ARFGEF3: variants seen among roughly 807,000 people sequenced by gnomAD.
ARFGEF3 encodes the protein brefeldin A-inhibited guanine nucleotide-exchange protein 3.
Under a neutral mutation model 221.7 loss-of-function variants are expected in ARFGEF3, and 96 were observed. The ratio of observed to expected loss-of-function variants is 0.43; its 90% confidence interval spans 0.37 to 0.51. ARFGEF3 has a LOEUF of 0.51. ARFGEF3 is among the 20% of genes least tolerant of loss of function. The probability of loss-of-function intolerance (pLI) is 0.00; values close to 1 mark genes in which losing one functional copy is unlikely to be tolerated. For missense variants in ARFGEF3, 2,410 were observed against 2,789.9 expected (o/e 0.86, Z 3.07); for synonymous variants, 1,145 against 1,126.8 (o/e 1.02, Z -0.32).
intron 25 of ARFGEF3, among the ~76,000 whole-genome samples, chr6:138,313,288 G>T (rs1308972341): frequency 1.3e-5 from 2 of 152,182 alleles, no homozygotes; most frequent in East Asian, 1.9e-4. Context: ...CACTCTGCTG[G>T]CTCTGCTTCT....
chr6:138,246,566 A>G (rs545656098), intron 8 of ARFGEF3, among the ~76,000 whole-genome samples: 169 of 152,232 alleles, frequency 1.1e-3, no homozygotes, highest in Admixed American at 2.1e-3. Flanking sequence ...TTGTTGCCAA[A>G]TGGTTTCTTC....
intron 4 of ARFGEF3, among the ~76,000 whole-genome samples, chr6:138,214,862 C>T (rs974644693): frequency 2.6e-5 from 4 of 152,118 alleles, no homozygotes; most frequent in Non-Finnish European, 4.4e-5. Flanking sequence ...AACTATTCTA[C>T]ATGGTTTTAC....
At chr6:138,262,121 T>C (rs1308767471) in intron 11 of ARFGEF3, among the ~76,000 whole-genome samples, 1 of 151,674 alleles carries the variant, frequency 6.6e-6, no homozygotes, top group Admixed American at 6.6e-5. Flanking sequence ...TAAATACTCA[T>C]CAGGAGCTTC....
intron 4 of ARFGEF3, among the ~76,000 whole-genome samples, chr6:138,225,678 G>A (rs1159049882): frequency 6.6e-6 from 1 of 152,194 alleles, no homozygotes; most frequent in Non-Finnish European, 1.5e-5. Context: ...AGGACAGAAG[G>A]AAGAAAGTGG....
intron 8 of ARFGEF3, among the ~76,000 whole-genome samples, chr6:138,246,147 C>G (rs1258852161): frequency 6.6e-6 from 1 of 152,126 alleles, no homozygotes; most frequent in Non-Finnish European, 1.5e-5. Context: ...TAGGTGATGC[C>G]TGCTGCTCCA....
At chr6:138,203,700 G>A (rs1777577100) in intron 2 of ARFGEF3, among the ~76,000 whole-genome samples, 1 of 152,104 alleles carries the variant, frequency 6.6e-6, no homozygotes, top group Admixed American at 6.5e-5. Context: ...GGAGTGCAGT[G>A]GCACGATCTT....
At chr6:138,169,759 T>A (rs183999051) in intron 1 of ARFGEF3, among the ~76,000 whole-genome samples, 1 of 152,382 alleles carries the variant, frequency 6.6e-6, no homozygotes, top group East Asian at 1.9e-4. Context: ...ATTGTCTTTC[T>A]GAAATCCACT....
At chr6:138,299,322 A>G (rs904913521) in intron 22 of ARFGEF3, among the ~76,000 whole-genome samples, 1 of 151,168 alleles carries the variant, frequency 6.6e-6, no homozygotes, top group African/African-American at 2.4e-5. Context: ...AAGTTTAGCA[A>G]TTTGACTAAG....
chr6:138,263,267 AT>A lies in ARFGEF3; in HGVS notation c.1788del (p.Phe596LeufsTer42). 6.2e-7 allele frequency: 1 copy of A among 1,613,978 alleles called. No homozygotes were observed. Among genetic ancestry groups the A allele is most frequent in the Non-Finnish European group, 8.5e-7 (1 of 1,179,888 alleles). ...TATGGATCTAGGTATAGTGAGAGCA[AT>A]TTTAGCGTTGATGACCAAGACCTTT... Reference protein sequence around the residue: ...RSYGSRYSESNFSVDDQDLSR... With the variant: ...RSYGSRYSESXFSVDDQDLSR... On this transcript the variant is annotated frameshift_variant, in exon 12 of 34. Transcript: ENST00000251691. LOFTEE classifies it high-confidence loss of function.
intron 2 of ARFGEF3, among the ~76,000 whole-genome samples, chr6:138,180,366 A>T (rs1777054874): frequency 6.6e-6 from 1 of 152,238 alleles, no homozygotes; most frequent in Non-Finnish European, 1.5e-5. Flanking sequence ...GCTTGTGCTA[A>T]TGAATGGAGG....
rs754642809 is a variant in ARFGEF3 at position 138,291,946 on chromosome 6, C to T, written c.3261C>T (p.Leu1087=). 9 of 1,525,236 alleles carry T rather than the reference C, an allele frequency of 5.9e-6. No individual in the cohort carries two copies. The South Asian group carries it at 6.2e-5, about 10-fold the overall frequency. The allele number at this position is 1,525,236 out of a possible 1,614,324, so 94.5% of individuals were successfully genotyped here. A position where few individuals can be genotyped will look rare whatever the true frequency, so the allele number is the denominator to read the frequency against. The part of the protein sequence containing the change: ...PVVQPLSIQD[L]VREGSRGRAS... ...TCCAGCCCCTGTCCATCCAGGACCT[C>T]GTCCGGGAAGGCAGCCGGGGTCGGG... Residue 1087 remains leucine, a synonymous_variant, in exon 19 of 34, where the codon CTC becomes CTT. Coordinates refer to ENST00000251691, the MANE Select transcript of ARFGEF3 (RefSeq NM_020340.5). This position sits in a 1 kb window ranked among gnomAD's most constrained non-coding sequence, Gnocchi z 4.5.
chr6:138,283,025 T>C (rs1779225791), intron 14 of ARFGEF3, among the ~76,000 whole-genome samples: 1 of 151,804 alleles, frequency 6.6e-6, no homozygotes, highest in Admixed American at 6.6e-5. Context: ...CACTTCAGCC[T>C]GAGCAACAGA....
chr6:138,231,170 T>A (rs1264796454), intron 5 of ARFGEF3, among the ~76,000 whole-genome samples: 1 of 152,074 alleles, frequency 6.6e-6, no homozygotes, highest in African/African-American at 2.4e-5. Context: ...AATTCCTGAA[T>A]AATAGGCACA....
intron 20 of ARFGEF3, among the ~76,000 whole-genome samples, chr6:138,295,042 G>A (rs1313158445): frequency 6.6e-6 from 1 of 152,128 alleles, no homozygotes; most frequent in East Asian, 1.9e-4. Flanking sequence ...CAACCTCCCA[G>A]GCCCATAAGA....
In ARFGEF3 at chr6:138,287,088, T is replaced by C; in HGVS notation, c.2800T>C (p.Cys934Arg). 6.4e-7 allele frequency: 1 copy of C among 1,573,470 alleles called. No homozygotes were observed. Among genetic ancestry groups the C allele is most frequent in the Non-Finnish European group, 8.6e-7 (1 of 1,158,938 alleles). The change falls in exon 17 of 34, where the codon TGC becomes CGC. Residue 934 changes from cysteine to arginine, a missense_variant. Physicochemically the swap from Cys to Arg is radical, Grantham distance 180. Coordinates refer to ENST00000251691, the MANE Select transcript of ARFGEF3 (RefSeq NM_020340.5). ...CTCCTCTGAAGGCGTTGCTGCTAAC[T>C]GCGCCTCAGCCCTTGCCCAGATGGC... Reference protein sequence around the residue: ...LSCALGVAANCASALAQMAAA... With the variant: ...LSCALGVAANRASALAQMAAA...
chr6:138,218,488 G>C, intron 4 of ARFGEF3: 2 of 1,446,166 alleles, frequency 1.4e-6, no homozygotes, highest in Non-Finnish European at 1.8e-6. Context: ...ATATATTTAA[G>C]GTCCTAACCA....
intron 2 of ARFGEF3, among the ~76,000 whole-genome samples, chr6:138,205,393 G>A (rs1325571705): frequency 1.3e-5 from 2 of 152,106 alleles, no homozygotes; most frequent in African/African-American, 2.4e-5. Context: ...ATTAATCCTG[G>A]TGGAAATTTG....
intron 27 of ARFGEF3, among the ~76,000 whole-genome samples, chr6:138,318,960 C>T (rs986667660): frequency 1.3e-5 from 2 of 152,084 alleles, no homozygotes; most frequent in African/African-American, 4.8e-5. Context: ...AGAATAATCT[C>T]ACACTTTTGG....
At chr6:138,182,117 G>A (rs1777088837) in intron 2 of ARFGEF3, among the ~76,000 whole-genome samples, 1 of 152,174 alleles carries the variant, frequency 6.6e-6, no homozygotes, top group African/African-American at 2.4e-5. Context: ...TCCTGTGTGA[G>A]ACAGTGGACA....
Sources: allele counts gnomAD v4.1 joint callset (sites outside exome capture counted in the v4.1 genomes callset), GRCh38; gene constraint gnomAD v4.1.1; non-coding constraint Gnocchi (gnomAD v3.1); transcripts MANE v1.5; gene names NCBI Gene and HGNC (gene_info 2026-07-23, HGNC 2026-07-21).